KCNN2: variants seen among roughly 807,000 people sequenced by gnomAD.
KCNN2 encodes the protein small conductance calcium-activated potassium channel protein 2.
A neutral mutation model predicts 55.5 loss-of-function variants in KCNN2; 24 were observed. The observed-to-expected ratio is 0.43, with a 90% CI of 0.31 to 0.61. The LOEUF is 0.61. Ranked by LOEUF, KCNN2 falls within the 20% of genes least tolerant of loss-of-function variation. KCNN2 has a pLI of 0.08. For missense variants in KCNN2, 754 were observed against 853.6 expected (o/e 0.88, Z 1.45); for synonymous variants, 431 against 336.1 (o/e 1.28, Z -3.09).
chr5:114,297,180 G>A (rs980053547), intron 2 of KCNN2, among the ~76,000 whole-genome samples: 2 of 152,028 alleles, frequency 1.3e-5, no homozygotes, highest in African/African-American at 2.4e-5. Context: ...AACTGTGGCT[G>A]AATGTGGTGG....
chr5:114,406,885 A>G (rs1052619302), intron 3 of KCNN2, among the ~76,000 whole-genome samples: 3 of 152,148 alleles, frequency 2.0e-5, no homozygotes, highest in Non-Finnish European at 4.4e-5. Flanking sequence ...GAGATCTTGC[A>G]GATATGGGAG....
intron 1 of KCNN2, among the ~76,000 whole-genome samples, chr5:114,175,995 A>G (rs1753124555): frequency 6.6e-6 from 1 of 152,192 alleles, no homozygotes; most frequent in Non-Finnish European, 1.5e-5. Flanking sequence ...CTTATTGGAG[A>G]TAATTACATT....
chr5:114,068,289 C>T (rs1393238998), intron 1 of KCNN2, among the ~76,000 whole-genome samples: 2 of 152,082 alleles, frequency 1.3e-5, no homozygotes, highest in African/African-American at 4.8e-5. Flanking sequence ...ACTCATTTGC[C>T]CTGTTTAGAA....
At chr5:114,221,706 T>G (rs1754142106) in intron 2 of KCNN2, among the ~76,000 whole-genome samples, 1 of 152,214 alleles carries the variant, frequency 6.6e-6, no homozygotes, top group South Asian at 2.1e-4. Flanking sequence ...ATTTAGTGAT[T>G]CATTCTTTTT....
At chr5:114,196,196 G>A (rs1753552718) in intron 1 of KCNN2, among the ~76,000 whole-genome samples, 1 of 151,510 alleles carries the variant, frequency 6.6e-6, no homozygotes, top group Non-Finnish European at 1.5e-5. Context: ...AACCACTGTT[G>A]CATTCCTGAG....
At chr5:114,282,582 G>A (rs147198247) in intron 2 of KCNN2, among the ~76,000 whole-genome samples, 262 of 152,064 alleles carry the variant, frequency 1.7e-3, no homozygotes, top group African/African-American at 5.2e-3. Context: ...CATCAACTTC[G>A]TGAGATTTAT....
chr5:114,182,992 G>A (rs966783215), intron 1 of KCNN2, among the ~76,000 whole-genome samples: 1 of 152,056 alleles, frequency 6.6e-6, no homozygotes, highest in Non-Finnish European at 1.5e-5. Flanking sequence ...AATGTTAGCT[G>A]TAGATTTTTT....
At chr5:114,430,266 A>G (rs1759750181) in intron 3 of KCNN2, among the ~76,000 whole-genome samples, 1 of 152,032 alleles carries the variant, frequency 6.6e-6, no homozygotes, top group Non-Finnish European at 1.5e-5. Flanking sequence ...AACATAGAGT[A>G]TTTATTTAGC....
intron 1 of KCNN2, among the ~76,000 whole-genome samples, chr5:114,153,695 A>G (rs1487117826): frequency 1.3e-5 from 2 of 152,212 alleles, no homozygotes; most frequent in African/African-American, 2.4e-5. Context: ...AGGAAATGCT[A>G]TCATCTTCCC....
At chr5:114,073,870 C>T (rs1004165708) in intron 1 of KCNN2, among the ~76,000 whole-genome samples, 13 of 152,156 alleles carry the variant, frequency 8.5e-5, no homozygotes, top group South Asian at 2.1e-4. Context: ...GAATAAACTA[C>T]GCTTAAAACT....
intron 1 of KCNN2, among the ~76,000 whole-genome samples, chr5:114,074,745 A>C (rs1750652257): frequency 6.6e-6 from 1 of 152,200 alleles, no homozygotes; most frequent in African/African-American, 2.4e-5. Context: ...TATCCTTAGA[A>C]AGAGCTTGAA....
At chr5:114,470,255 G>A (rs1454970388) in intron 4 of KCNN2, among the ~76,000 whole-genome samples, 6 of 152,120 alleles carry the variant, frequency 3.9e-5, no homozygotes, top group Non-Finnish European at 8.8e-5. Context: ...CCTGCCAGGG[G>A]AGAACAATAT....
At position 114,056,256 on chromosome 5, in the gene KCNN2, G is replaced by C. The variant is rs1750204134; in HGVS notation, c.-515G>C. The C allele has an allele frequency of 1.0e-5, 4 of 397,100 alleles. No individual in the cohort carries two copies. The East Asian group carries it at 1.1e-4, about 11-fold the overall frequency. The allele number at this position is 397,100 out of a possible 1,614,324, so 24.6% of individuals were successfully genotyped here. ...GCTGGCTCTCTGCTCCCCGAAGCTG[G>C]GGAGCCGGGGGCGCTCTCCCGGGCC... On this transcript the variant is annotated 5_prime_UTR_variant, in exon 1 of 11. Coordinates refer to the KCNN2 transcript ENST00000512097.
At chr5:114,102,248 T>C (rs1019668884) in intron 1 of KCNN2, among the ~76,000 whole-genome samples, 1 of 152,190 alleles carries the variant, frequency 6.6e-6, no homozygotes, top group Non-Finnish European at 1.5e-5. Context: ...AAAGTGTCTG[T>C]TCATATCCTT....
intron 1 of KCNN2, among the ~76,000 whole-genome samples, chr5:114,118,598 C>T (rs554796958): frequency 1.1e-4 from 17 of 151,838 alleles, no homozygotes; most frequent in Admixed American, 5.3e-4. Context: ...CCCTCTGTGA[C>T]TGAATGATGC....
intron 3 of KCNN2, among the ~76,000 whole-genome samples, chr5:114,447,016 C>T (rs1480646631): frequency 6.6e-6 from 1 of 152,156 alleles, no homozygotes. Flanking sequence ...TGGCTAGTGG[C>T]CACTGTGTTG....
intron 3 of KCNN2, among the ~76,000 whole-genome samples, chr5:114,460,737 C>T (rs574204009): frequency 2.6e-5 from 4 of 152,244 alleles, no homozygotes; most frequent in Middle Eastern, 3.4e-3. Flanking sequence ...TTACAACATA[C>T]GTCAAATTAG....
At chr5:114,210,033 G>C (rs1053832281) in intron 1 of KCNN2, among the ~76,000 whole-genome samples, 1 of 152,256 alleles carries the variant, frequency 6.6e-6, no homozygotes, top group African/African-American at 2.4e-5. Context: ...GTCAAACAAG[G>C]TGAGGTTTTG....
In KCNN2 at chr5:114,072,656, C is replaced by T. The variant is rs911037331; in HGVS notation, c.-271+16156C>T. The stretch of plus-strand genomic sequence containing the variant: ...CAACACAGAACAGACTAAGACAGCA[C>T]GTGAGGTAGAATGCACAGTGATAAA... On this transcript the variant is annotated intron_variant, in intron 1 of 10. Transcript: ENST00000512097. Among the ~76,000 whole-genome samples, 5 of 152,112 alleles carry T rather than the reference C, an allele frequency of 3.3e-5. No individual in the cohort carries two copies. In the South Asian group the frequency reaches 6.2e-4, roughly 19 times the overall value.
Sources: allele counts gnomAD v4.1 joint callset (sites outside exome capture counted in the v4.1 genomes callset), GRCh38; gene constraint gnomAD v4.1.1; transcripts MANE v1.5; gene names NCBI Gene and HGNC (gene_info 2026-07-23, HGNC 2026-07-21).